PCDH15: variants seen among roughly 807,000 people sequenced by gnomAD.
PCDH15 encodes protocadherin related 15.
In PCDH15, 129 loss-of-function variants were observed where a neutral mutation model predicts 178.5. The observed-to-expected ratio is 0.72, with a 90% confidence interval of 0.63 to 0.84. The LOEUF (loss-of-function observed/expected upper bound fraction) is 0.84. Among genes scored for constraint, PCDH15 ranks in the 40% least tolerant of loss-of-function variants. The pLI is 0.00. For synonymous variants in PCDH15, 800 were observed against 732.0 expected, an observed-to-expected ratio of 1.09 and a Z score of -1.50; for missense variants, 2,230 against 2,099.9, an observed-to-expected ratio of 1.06 and a Z score of -1.21.
intron 1 of PCDH15, among the ~76,000 whole-genome samples, chr10:55,296,477 G>A (rs1019881738): frequency 1.3e-5 from 2 of 152,200 alleles, no homozygotes; most frequent in African/African-American, 2.4e-5. Context: ...CCTTTCACCC[G>A]TATCACTTAG....
At chr10:54,674,994 C>T (rs566120527) in intron 1 of PCDH15, among the ~76,000 whole-genome samples, 1 of 152,062 alleles carries the variant, frequency 6.6e-6, no homozygotes, top group South Asian at 2.1e-4. Flanking sequence ...ACTTTAGTCT[C>T]TTCCTACAAA....
chr10:55,338,210 G>A (rs917186183), intron 2 of PCDH15, among the ~76,000 whole-genome samples: 1 of 152,132 alleles, frequency 6.6e-6, no homozygotes, highest in African/African-American at 2.4e-5. Flanking sequence ...TGGTGGGAAT[G>A]TAAGTTAGTA....
intron 25 of PCDH15, among the ~76,000 whole-genome samples, chr10:53,918,484 T>C (rs1205482834): frequency 6.6e-6 from 1 of 152,168 alleles, no homozygotes. Flanking sequence ...ATAGTAGTAC[T>C]GAATAAAGAA....
chr10:55,508,892 A>G (rs1394821365), intron 2 of PCDH15, among the ~76,000 whole-genome samples: 1 of 151,788 alleles, frequency 6.6e-6, no homozygotes, highest in Admixed American at 6.6e-5. Context: ...ATTTTCCTAC[A>G]TAAAGGTAGC....
intron 3 of PCDH15, among the ~76,000 whole-genome samples, chr10:54,515,128 C>T (rs1320277576): frequency 6.6e-6 from 1 of 152,164 alleles, no homozygotes; most frequent in Non-Finnish European, 1.5e-5. Context: ...ACAGTGGGTG[C>T]AGGACAGTGG....
intron 8 of PCDH15, among the ~76,000 whole-genome samples, chr10:54,304,901 A>ATTCTGC (rs1178541992): frequency 6.6e-6 from 1 of 151,920 alleles, no homozygotes; most frequent in Non-Finnish European, 1.5e-5. Context: ...ATATGTTAGT[A>ATTCTGC]AACAAAGTGA....
chr10:54,389,381 A>G (rs1425719680), intron 3 of PCDH15, among the ~76,000 whole-genome samples: 2 of 152,168 alleles, frequency 1.3e-5, no homozygotes, highest in African/African-American at 4.8e-5. Context: ...TAATGTGCCC[A>G]TGAATCACCT....
At chr10:54,384,372 T>C (rs1262722935) in intron 3 of PCDH15, among the ~76,000 whole-genome samples, 3 of 152,014 alleles carry the variant, frequency 2.0e-5, no homozygotes, top group Non-Finnish European at 4.4e-5. Flanking sequence ...TGAAATTCCT[T>C]TTTTTAGTGA....
At chr10:55,204,205 A>G (rs937530662) in intron 1 of PCDH15, among the ~76,000 whole-genome samples, 6 of 149,204 alleles carry the variant, frequency 4.0e-5, no homozygotes, top group African/African-American at 1.5e-4. Context: ...TATTTAATAT[A>G]CTCAAGGGTT....
chr10:55,304,017 G>A (rs888741790), intron 1 of PCDH15, among the ~76,000 whole-genome samples: 7 of 152,080 alleles, frequency 4.6e-5, no homozygotes, highest in Admixed American at 2.6e-4. Flanking sequence ...TCAAATGTAT[G>A]TATTTAGTGC....
intron 1 of PCDH15, among the ~76,000 whole-genome samples, chr10:55,178,422 T>A (rs1591968568): frequency 1.3e-5 from 2 of 152,038 alleles, no homozygotes; most frequent in African/African-American, 4.8e-5. Context: ...ACAATCAGAG[T>A]ATGGCAAACT....
At chr10:55,221,965 C>G (rs1197810091) in intron 1 of PCDH15, among the ~76,000 whole-genome samples, 2 of 150,598 alleles carry the variant, frequency 1.3e-5, no homozygotes, top group African/African-American at 4.9e-5. Context: ...CTCCTGGGTT[C>G]ACGCCATTCT....
At chr10:55,560,177 G>GA (rs1206974171) in intron 2 of PCDH15, among the ~76,000 whole-genome samples, 12 of 151,762 alleles carry the variant, frequency 7.9e-5, no homozygotes, top group South Asian at 2.1e-4. Flanking sequence ...TTAGGTCCAG[G>GA]AAAAAATGTA....
chr10:54,366,223 T>C (rs1184500906), intron 5 of PCDH15, among the ~76,000 whole-genome samples: 1 of 152,116 alleles, frequency 6.6e-6, no homozygotes, highest in Non-Finnish European at 1.5e-5. Context: ...CTTTTATAAA[T>C]CTGTGATAAT....
At chr10:54,945,563 A>T (rs1670829) in intron 2 of PCDH15, among the ~76,000 whole-genome samples, 1 of 151,498 alleles carries the variant, frequency 6.6e-6, no homozygotes, top group African/African-American at 2.4e-5. Context: ...GAGCATATAA[A>T]TATATAATTT....
chr10:54,552,397 C>G (rs936302414), intron 2 of PCDH15, among the ~76,000 whole-genome samples: 12 of 152,086 alleles, frequency 7.9e-5, no homozygotes, highest in African/African-American at 2.9e-4. Context: ...GAGAATTAAG[C>G]CTTTATTTAA....
intron 3 of PCDH15, among the ~76,000 whole-genome samples, chr10:54,444,782 T>C (rs2076043209): frequency 6.6e-6 from 1 of 151,632 alleles, no homozygotes; most frequent in South Asian, 2.1e-4. Context: ...CTTGGTTTAG[T>C]CTAGTGCCTG....
chr10:53,813,530 A>G (rs2075953521), intron 35 of PCDH15, among the ~76,000 whole-genome samples: 1 of 152,204 alleles, frequency 6.6e-6, no homozygotes, highest in African/African-American at 2.4e-5. Context: ...TTACTTGGTA[A>G]AACTTTTTAG....
At chr10:53,886,340 A>G (rs1900433) in intron 26 of PCDH15, among the ~76,000 whole-genome samples, 2,142 of 152,232 alleles carry the variant, frequency 0.014, 48 homozygotes, top group African/African-American at 0.049. Context: ...GTTAAATAAA[A>G]CCTCACATTT....
Sources: allele counts gnomAD v4.1 joint callset (sites outside exome capture counted in the v4.1 genomes callset), GRCh38; gene constraint gnomAD v4.1.1; transcripts MANE v1.5; gene names NCBI Gene and HGNC (gene_info 2026-07-23, HGNC 2026-07-21).